Variants in UNC5A observed in about 807,000 individuals in gnomAD.
UNC5A encodes the protein netrin receptor UNC5A.
Under a neutral mutation model 87.4 loss-of-function variants are expected in UNC5A, and 20 were observed. The ratio of observed to expected loss-of-function variants is 0.23; its 90% CI spans 0.16 to 0.33. UNC5A has a LOEUF of 0.33. UNC5A is among the 10% of genes least tolerant of loss of function. The pLI is 1.00. For synonymous variants in UNC5A, 438 were observed against 482.3 expected (o/e 0.91, Z 1.20); for missense variants, 844 against 1,133.4 (o/e 0.74, Z 3.67).
intron 1 of UNC5A, among the ~76,000 whole-genome samples, chr5:176,827,850 G>T (rs1289243178): frequency 6.6e-6 from 1 of 152,106 alleles, no homozygotes; most frequent in Admixed American, 6.5e-5. Flanking sequence ...CTCATGTCTT[G>T]GTGCTCCTGC....
intron 6 of UNC5A, among the ~76,000 whole-genome samples, chr5:176,873,375 T>C (rs1385795909): frequency 6.6e-6 from 1 of 152,228 alleles, no homozygotes; most frequent in Non-Finnish European, 1.5e-5. Context: ...AAAAACCTAA[T>C]TATCTGTGTC....
chr5:176,868,312 G>A (rs375118336), intron 3 of UNC5A, 39 bp downstream of exon 3: 1,805 of 1,609,524 alleles, frequency 1.1e-3, no homozygotes, highest in Non-Finnish European at 1.4e-3. Context: ...GGCGCACGGC[G>A]GGAGGGTGTC....
chr5:176,849,215 G>A (rs1194084649), intron 1 of UNC5A, among the ~76,000 whole-genome samples: 1 of 152,204 alleles, frequency 6.6e-6, no homozygotes, highest in Non-Finnish European at 1.5e-5. Flanking sequence ...TGTTTAAAGT[G>A]TTTAAATTAG....
At position 176,874,067 on chromosome 5, in the gene UNC5A, GGAA is replaced by G. The variant is rs778539571; in HGVS notation, c.991_993del (p.Lys331del). 15 of 1,614,040 alleles carry G rather than the reference GGAA, an allele frequency of 9.3e-6. No homozygotes were observed. Among genetic ancestry groups the G allele is most frequent in the Non-Finnish European group, 1.3e-5 (15 of 1,179,970 alleles). On this transcript the variant is annotated inframe_deletion, in exon 7 of 15. Coordinates refer to ENST00000329542, the MANE Select transcript of UNC5A (RefSeq NM_133369.3). This position sits in a 1 kb window ranked among gnomAD's most constrained non-coding sequence, Gnocchi z 7.6. ...CTTGTCCTCATCCTCGTTTATTGCC[GGAA>G]GAAGGAGGGGCTGGACTCAGATGTG...
At chr5:176,835,501 C>T (rs749393793) in intron 1 of UNC5A, among the ~76,000 whole-genome samples, 3 of 152,250 alleles carry the variant, frequency 2.0e-5, no homozygotes, top group Non-Finnish European at 1.5e-5. Context: ...GCTCCAGAGC[C>T]TCCGACTCAT....
rs200296286 is a variant in UNC5A, at chr5:176,879,703, C to A, written c.2364-18C>A. 1 of 1,608,870 alleles carries A rather than the reference C, an allele frequency of 6.2e-7. No individual in the cohort carries two copies. Among genetic ancestry groups the A allele is most frequent in the Non-Finnish European group, 8.5e-7 (1 of 1,177,804 alleles). ...TGGGGCCAGGCCAGGCTGCTGACGG[C>A]CCCCCTCCCCTCCACAGCCATCTCA... On this transcript the variant is annotated intron_variant, in intron 14 of 14. Coordinates refer to ENST00000329542, the MANE Select transcript of UNC5A (RefSeq NM_133369.3).
intron 1 of UNC5A, among the ~76,000 whole-genome samples, chr5:176,847,095 G>A (rs1384319469): frequency 6.6e-6 from 1 of 151,970 alleles, no homozygotes; most frequent in Non-Finnish European, 1.5e-5. Context: ...TGGGTGCCCC[G>A]CTCCCGCCTG....
intron 1 of UNC5A, among the ~76,000 whole-genome samples, chr5:176,830,650 T>TGG (rs1554097044): frequency 1.6e-4 from 9 of 56,226 alleles, no homozygotes; most frequent in African/African-American, 6.0e-4. Context: ...GCGTGTGCAT[T>TGG]TGTGTGTGTG....
intron 1 of UNC5A, among the ~76,000 whole-genome samples, chr5:176,832,102 G>A (rs562094135): frequency 3.3e-5 from 5 of 152,002 alleles, no homozygotes; most frequent in African/African-American, 4.8e-5. Context: ...TCACCATGTC[G>A]GCCAGGCTGG....
intron 1 of UNC5A, among the ~76,000 whole-genome samples, chr5:176,846,195 C>T (rs890533990): frequency 6.6e-6 from 1 of 152,088 alleles, no homozygotes; most frequent in Non-Finnish European, 1.5e-5. Context: ...GCCTGGCACT[C>T]TCCAGGAGAG....
rs143488165 is a variant in UNC5A, at chr5:176,867,064, G to A, written c.293-1066G>A. ...TCCCAGCCTGCCGGCTCAGCTGGGCGGCCGCTCTTCCCGCAATGCAGCCCT... is the reference window on the plus strand; with the variant it reads ...TCCCAGCCTGCCGGCTCAGCTGGGCAGCCGCTCTTCCCGCAATGCAGCCCT... On this transcript the variant is annotated intron_variant, in intron 2 of 14. Transcript: ENST00000329542. Among the ~76,000 whole-genome samples, 75 of 152,246 alleles carry A rather than the reference G, an allele frequency of 4.9e-4. No homozygotes were observed. In the East Asian group the frequency reaches 0.011, roughly 22 times the overall value.
chr5:176,815,433 G>C (rs1172554445), intron 1 of UNC5A, among the ~76,000 whole-genome samples: 1 of 152,216 alleles, frequency 6.6e-6, no homozygotes, highest in Non-Finnish European at 1.5e-5. Flanking sequence ...CTAAGCTTTG[G>C]AGGCAGTCAG....
In UNC5A at chr5:176,848,855, G is replaced by A. The variant is rs2113632759; in HGVS notation, c.71-13769G>A. ...GCAGCTTCTCCCCTCTCGGCCTCTGGAAGGGACAGTGCCCTCAGGCCTCAG... is the reference window on the plus strand; with the variant it reads ...GCAGCTTCTCCCCTCTCGGCCTCTGAAAGGGACAGTGCCCTCAGGCCTCAG... On this transcript the variant is annotated intron_variant, in intron 1 of 14. Transcript: ENST00000329542. The surrounding 1 kb of genome is among the most constrained non-coding windows in gnomAD (Gnocchi z 5.8). Among the ~76,000 whole-genome samples the A allele has an allele frequency of 6.6e-6, 1 of 152,354 alleles. No individual in the cohort carries two copies. The highest frequency in any genetic ancestry group is 1.5e-5 in the Non-Finnish European group (1 of 68,030).
Position 176,843,020 on chromosome 5 carries a change from G to T in UNC5A, c.71-19604G>T, listed in dbSNP as rs182523229. 1.3e-3 allele frequency among the ~76,000 whole-genome samples: 200 copies of T among 152,186 alleles called. 1 individual carries two copies. Among genetic ancestry groups the T allele is most frequent in the African/African-American group, 4.6e-3 (189 of 41,526 alleles). ...TACTAAAAATACAAAAATTAGCCAG[G>T]TGTGGTGATGGGTGCCTGTAATCCC... On this transcript the variant is annotated intron_variant, in intron 1 of 14. Transcript: ENST00000329542.
chr5:176,875,561 C>T lies in UNC5A; in HGVS notation c.1378+995C>T. Among the ~76,000 whole-genome samples, 1 of 152,162 alleles carries T rather than the reference C, an allele frequency of 6.6e-6. No homozygotes were observed. Among genetic ancestry groups the T allele is most frequent in the East Asian group, 1.9e-4 (1 of 5,190 alleles). Reference sequence around the variant, plus strand: ...CCCTTGCTGCCTCTCCTGACACGGGCCACCAAACCCCTTACCTGGTTCCTT... The same window carrying T: ...CCCTTGCTGCCTCTCCTGACACGGGTCACCAAACCCCTTACCTGGTTCCTT... On this transcript the variant is annotated intron_variant, in intron 8 of 14. Coordinates refer to ENST00000329542, the MANE Select transcript of UNC5A (RefSeq NM_133369.3). The surrounding 1 kb of genome is among the most constrained non-coding windows in gnomAD (Gnocchi z 5.2).
At chr5:176,811,613 T>TGG (rs35582320) in intron 1 of UNC5A, among the ~76,000 whole-genome samples, 1 of 152,260 alleles carries the variant, frequency 6.6e-6, no homozygotes, top group East Asian at 1.9e-4. Context: ...GGGAGGGGCT[T>TGG]GGGGGGAGGA....
chr5:176,845,529 C>G (rs895732004), intron 1 of UNC5A, among the ~76,000 whole-genome samples: 4 of 152,246 alleles, frequency 2.6e-5, no homozygotes, highest in African/African-American at 7.2e-5. Flanking sequence ...GATGAGTGCC[C>G]CACAGACCCT....
At chr5:176,828,324 TG>T (rs1256638907) in intron 1 of UNC5A, among the ~76,000 whole-genome samples, 33 of 152,160 alleles carry the variant, frequency 2.2e-4, no homozygotes, top group Non-Finnish European at 4.4e-5. Context: ...GCTGCAGACC[TG>T]GGGGGCAGTG....
At chr5:176,814,931 T>A (rs1408712270) in intron 1 of UNC5A, among the ~76,000 whole-genome samples, 1 of 152,150 alleles carries the variant, frequency 6.6e-6, no homozygotes, top group African/African-American at 2.4e-5. Flanking sequence ...GAACACGGAC[T>A]GCCATGCTCC....
Sources: gnomAD v4.1 joint callset for allele counts (sites outside exome capture counted in the v4.1 genomes callset) on GRCh38, gnomAD v4.1.1 for gene constraint, Gnocchi (gnomAD v3.1) non-coding constraint, MANE v1.5 for transcripts, NCBI Gene and HGNC (gene_info 2026-07-23, HGNC 2026-07-21) for gene names.